RIC3: variants seen among roughly 807,000 people sequenced by gnomAD.
RIC3 encodes the protein protein RIC-3.
In RIC3, 28 loss-of-function variants were observed where a neutral mutation model predicts 27.3. The observed-to-expected ratio is 1.02, with a 90% CI of 0.76 to 1.41. The LOEUF (loss-of-function observed/expected upper bound fraction) is 1.41. RIC3 is among the 40% of genes most tolerant of loss of function. The pLI, the probability that RIC3 is intolerant of heterozygous loss-of-function variation, is 0.00. For missense variants in RIC3, 501 were observed against 444.7 expected (o/e 1.13, Z -1.14); for synonymous variants, 184 against 160.4 (o/e 1.15, Z -1.11).
At chr11:8,129,702 T>C (rs972811094) in intron 4 of RIC3, among the ~76,000 whole-genome samples, 4 of 152,192 alleles carry the variant, frequency 2.6e-5, no homozygotes, top group East Asian at 3.9e-4. Flanking sequence ...GAGAATTAAA[T>C]AGATGTTAAT....
chr11:8,164,044 T>C (rs1237831861), intron 1 of RIC3, among the ~76,000 whole-genome samples: 1 of 152,182 alleles, frequency 6.6e-6, no homozygotes, highest in African/African-American at 2.4e-5. Context: ...AACAAACTCT[T>C]ACATTTAGAG....
At position 8,118,034 on chromosome 11, in the gene RIC3, A is replaced by G. The variant is rs570224396; in HGVS notation, c.671-6897T>C. The stretch of plus-strand genomic sequence containing the variant: ...TCAGGAGATCAAGACCATCCTGGCT[A>G]ACACGGTGAAACCCCATCTCTACTA... On this transcript the variant is annotated intron_variant, in intron 5 of 5. Transcript: ENST00000309737. Among the ~76,000 whole-genome samples the G allele has an allele frequency of 2.2e-3, 328 of 151,978 alleles. 1 individual carries two copies. Among genetic ancestry groups the G allele is most frequent in the Non-Finnish European group, 3.9e-3 (268 of 67,972 alleles).
chr11:8,124,277 T>C (rs943461605), intron 5 of RIC3, among the ~76,000 whole-genome samples: 11 of 152,072 alleles, frequency 7.2e-5, no homozygotes, highest in Admixed American at 7.2e-4. Context: ...AGGATTACCC[T>C]GAAATCAAAA....
At position 8,110,236 on chromosome 11, in the gene RIC3, C is replaced by G. The variant is rs1945092970; in HGVS notation, c.*462G>C. 1.2e-5 allele frequency: 3 copies of G among 253,794 alleles called. No individual in the cohort carries two copies. The highest frequency in any genetic ancestry group is 5.2e-5 in the South Asian group (1 of 19,224). The allele number at this position is 253,794 out of a possible 1,614,324, so 15.7% of individuals were successfully genotyped here. On this transcript the variant is annotated 3_prime_UTR_variant, in exon 6 of 6. Transcript: ENST00000309737. The stretch of plus-strand genomic sequence containing the variant: ...CCACAAACAAAATGTTCTCTTCTCA[C>G]CAGGGGACTACTAACCTGCTCAAGG...
chr11:8,105,360 G>GGTCTGTAGGTTTGT, downstream of RIC3: 1 of 152,150 alleles, frequency 6.6e-6, no homozygotes, highest in South Asian at 2.1e-4. Flanking sequence ...CCTGGGCTCT[G>GGTCTGTAGGTTTGT]GTCTGTAGGT....
At chr11:8,150,418 A>C (rs1950111133) in intron 1 of RIC3, among the ~76,000 whole-genome samples, 1 of 152,244 alleles carries the variant, frequency 6.6e-6, no homozygotes, top group Non-Finnish European at 1.5e-5. Flanking sequence ...GATAGAGAAG[A>C]TAATGAAGAA....
intron 4 of RIC3, among the ~76,000 whole-genome samples, chr11:8,134,983 G>A (rs1167713093): frequency 6.6e-6 from 1 of 152,118 alleles, no homozygotes; most frequent in East Asian, 1.9e-4. Flanking sequence ...CTGTGCAGAA[G>A]CTCTTTAGTT....
chr11:8,100,298 A>G, the RIC3 span, among the ~76,000 whole-genome samples: 2 of 152,158 alleles, frequency 1.3e-5, no homozygotes, highest in Non-Finnish European at 2.9e-5. Flanking sequence ...GAGCAGAAGC[A>G]AGGATGACGC....
chr11:8,115,296 G>T (rs752365349), intron 5 of RIC3, among the ~76,000 whole-genome samples: 1 of 150,504 alleles, frequency 6.6e-6, no homozygotes, highest in Non-Finnish European at 1.5e-5. Flanking sequence ...AAATGCTTAC[G>T]GAAAACAAAA....
chr11:8,136,721 T>A (rs957098899), intron 4 of RIC3, among the ~76,000 whole-genome samples: 2 of 152,250 alleles, frequency 1.3e-5, no homozygotes, highest in Non-Finnish European at 2.9e-5. Context: ...TTGTCTCAAG[T>A]AGAAAGCATC....
rs898985929 is a variant in RIC3 at position 8,109,322 on chromosome 11, T to A, written c.*1376A>T. ...CTTCTACATTTCATGACTGGGAATG[T>A]CTTTGGGAATGTGCCCTCTTCGAAC... is the stretch of plus-strand genomic sequence containing the variant. On this transcript the variant is annotated 3_prime_UTR_variant, in exon 6 of 6. Coordinates refer to ENST00000309737, the MANE Select transcript of RIC3 (RefSeq NM_001206671.4). The A allele has an allele frequency of 6.6e-6, 1 of 152,230 alleles. No homozygotes were observed. Among genetic ancestry groups the A allele is most frequent in the Admixed American group, 6.5e-5 (1 of 15,276 alleles). 9.4% of individuals were successfully genotyped at this position (152,230 alleles called of 1,614,324 possible).
chr11:8,111,157 A>C lies in RIC3; in HGVS notation c.671-20T>G. On this transcript the variant is annotated intron_variant, in intron 5 of 5. Coordinates refer to ENST00000309737, the MANE Select transcript of RIC3 (RefSeq NM_001206671.4). ...GGTAACCTAGAGAGAAAAGTAGCAC[A>C]AAGTATTACAAAGAATGTCTCCTCA... 4 of 1,511,776 alleles carry C rather than the reference A, an allele frequency of 2.6e-6. No homozygotes were observed. Among genetic ancestry groups the C allele is most frequent in the Non-Finnish European group, 2.7e-6 (3 of 1,123,690 alleles). 93.6% of individuals were successfully genotyped at this position (1,511,776 alleles called of 1,614,324 possible). A position where few individuals can be genotyped will look rare whatever the true frequency, so the allele number is the denominator to read the frequency against.
At chr11:8,140,735 T>A (rs1438039224) in intron 1 of RIC3, among the ~76,000 whole-genome samples, 1 of 152,106 alleles carries the variant, frequency 6.6e-6, no homozygotes, top group Non-Finnish European at 1.5e-5. Flanking sequence ...CAACTTCTAT[T>A]GTGTTAGGGT....
the RIC3 span, chr11:8,097,629 C>T: frequency 5.6e-5 from 76 of 1,346,668 alleles, no homozygotes; most frequent in Middle Eastern, 1.9e-4. Context: ...GCTGACGCAA[C>T]GGAGAGAGTC....
At chr11:8,133,689 C>T (rs1948012903) in intron 4 of RIC3, among the ~76,000 whole-genome samples, 1 of 152,166 alleles carries the variant, frequency 6.6e-6, no homozygotes, top group South Asian at 2.1e-4. Context: ...CAGTACAACT[C>T]CAGATGTAGT....
intron 4 of RIC3, among the ~76,000 whole-genome samples, chr11:8,136,919 T>C (rs1158632043): frequency 1.3e-5 from 2 of 152,150 alleles, no homozygotes; most frequent in African/African-American, 4.8e-5. Flanking sequence ...AAATGTTAAA[T>C]GATAAAGAAT....
the RIC3 span, chr11:8,100,526 G>A: frequency 6.2e-7 from 1 of 1,614,102 alleles, no homozygotes; most frequent in Non-Finnish European, 8.5e-7. Flanking sequence ...TAGGCTTCAA[G>A]GGGCCTCGGA....
At chr11:8,114,531 A>G (rs1040419926) in intron 5 of RIC3, among the ~76,000 whole-genome samples, 6 of 151,582 alleles carry the variant, frequency 4.0e-5, no homozygotes, top group African/African-American at 1.5e-4. Context: ...GCTTGAACCC[A>G]GGAGGCAGAG....
chr11:8,139,522 A>T (rs1948799926), intron 2 of RIC3: 1 of 164,508 alleles, frequency 6.1e-6, no homozygotes, highest in African/African-American at 2.4e-5. Context: ...AAGCAGGATA[A>T]AGTGGTGTCA....
Sources: allele counts gnomAD v4.1 joint callset (sites outside exome capture counted in the v4.1 genomes callset), GRCh38; gene constraint gnomAD v4.1.1; transcripts MANE v1.5; gene names NCBI Gene and HGNC (gene_info 2026-07-23, HGNC 2026-07-21).